The following PDILT variants were observed in gnomAD, a reference collection of about 807,000 sequenced individuals.
PDILT encodes protein disulfide-isomerase-like protein of the testis.
PDILT carries 43 observed loss-of-function variants against 53.7 expected under a neutral mutation model. The observed-to-expected ratio is 0.80, with a 90% CI of 0.63 to 1.03. The LOEUF (loss-of-function observed/expected upper bound fraction) is 1.03. PDILT is among the 50% of genes least tolerant of loss of function. The pLI is 0.00. For synonymous variants in PDILT, 282 were observed against 274.2 expected (o/e 1.03, Z -0.28); for missense variants, 727 against 712.3 (o/e 1.02, Z -0.24).
Position 20,372,825 on chromosome 16 carries a change from C to A in PDILT, c.895G>T (p.Ala299Ser). Residue 299 changes from alanine (A) to serine (S), a missense_variant, in exon 7 of 12, where the codon GCA (alanine) becomes TCA (serine). Coordinates refer to ENST00000302451, the MANE Select transcript of PDILT (RefSeq NM_174924.2). Reference sequence around the variant, plus strand: ...ACCTTGTTTTGGAATTCCTTTGATGCCAGCTTATAATGCTGAATTATGATA... The same window carrying A: ...ACCTTGTTTTGGAATTCCTTTGATGACAGCTTATAATGCTGAATTATGATA... ...YGIIIQHYKL[A>S]SKEFQNKILF... 3 of 1,614,002 alleles carry A rather than the reference C, an allele frequency of 1.9e-6. No homozygotes were observed. The highest frequency in any genetic ancestry group is 2.5e-6 in the Non-Finnish European group (3 of 1,179,926).
chr16:20,360,760 G>A (rs1966088901), intron 10 of PDILT, 103 bp from the exon 11 acceptor site: 16 of 816,574 alleles, frequency 2.0e-5, no homozygotes, highest in East Asian at 9.8e-5. Flanking sequence ...TAACAACCCC[G>A]GGTATGTTAT....
rs554552965 is a variant in PDILT at position 20,362,233 on chromosome 16, T to C, written c.1416+171A>G. ...ATGATAGTGAGTCTCAGGACTTTGG[T>C]GCAAACTACTGGAAAATAATCTTTG... On this transcript the variant is annotated intron_variant, in intron 10 of 11. Transcript: ENST00000302451. Among the ~76,000 whole-genome samples, 102 of 152,286 alleles carry C rather than the reference T, an allele frequency of 6.7e-4. 1 individual carries two copies. Among genetic ancestry groups the C allele is most frequent in the African/African-American group, 2.4e-3 (98 of 41,570 alleles).
intron 10 of PDILT, 48 bp downstream of exon 10, chr16:20,362,353 GATA>G: frequency 6.3e-7 from 1 of 1,587,032 alleles, no homozygotes; most frequent in Non-Finnish European, 8.6e-7. Context: ...CTGAGTCCCT[GATA>G]ATAACATAAC....
chr16:20,383,213 T>G (rs1966485213), intron 3 of PDILT, among the ~76,000 whole-genome samples: 2 of 152,002 alleles, frequency 1.3e-5, no homozygotes, highest in Admixed American at 6.5e-5. Flanking sequence ...CTAAGTGGAG[T>G]CAGTTCTCTC....
chr16:20,383,447 C>T (rs372827363), intron 3 of PDILT, among the ~76,000 whole-genome samples: 1 of 151,372 alleles, frequency 6.6e-6, no homozygotes, highest in Non-Finnish European at 1.5e-5. Context: ...CCCGCCCTCC[C>T]TCCCCATCTC....
chr16:20,399,093 ACT>A lies in PDILT; in HGVS notation c.202+4_202+5del. The A allele has an allele frequency of 1.9e-6, 3 of 1,614,122 alleles. No homozygotes were observed. Among genetic ancestry groups the A allele is most frequent in the Non-Finnish European group, 2.5e-6 (3 of 1,179,964 alleles). ...ATCATCCATCACCCAGGATGGGGGC[ACT>A]CACGGAAAAGCACCATGAGGAAGCG... On this transcript the variant is annotated splice_donor_5th_base_variant and intron_variant, in intron 2 of 11. Transcript: ENST00000302451.
In PDILT at chr16:20,362,466, T is replaced by A. The variant is rs779958356; in HGVS notation, c.1354A>T (p.Ile452Phe). ...TACCGGTCCAGGTACATCAGCTGAA[T>A]GTCATTTGCTGTGACATCGATCTTG... ...IAKIDVTAND[I>F]QLMYLDRYPF... Residue 452 changes from isoleucine to phenylalanine, a missense_variant, in exon 10 of 12, where the codon ATT (isoleucine) becomes TTT (phenylalanine). Transcript: ENST00000302451. 1 of 1,614,232 alleles carries A rather than the reference T, an allele frequency of 6.2e-7. No homozygotes were observed. Among genetic ancestry groups the A allele is most frequent in the East Asian group, 2.2e-5 (1 of 44,890 alleles).
intron 4 of PDILT, 58 bp downstream of exon 4, chr16:20,376,010 C>T (rs1966380392): frequency 6.2e-7 from 1 of 1,602,104 alleles, no homozygotes; most frequent in Non-Finnish European, 8.5e-7. Flanking sequence ...ACCACCCCCT[C>T]CCAGACACAG....
At chr16:20,390,185 T>C (rs1966591266) in intron 2 of PDILT, among the ~76,000 whole-genome samples, 1 of 152,112 alleles carries the variant, frequency 6.6e-6, no homozygotes, top group African/African-American at 2.4e-5. Flanking sequence ...TTCAGGATTG[T>C]CATCAATCTC....
Position 20,366,969 on chromosome 16 carries a change from TTCCTTCCTTCCTTC to T in PDILT, c.1117-1443_1117-1430del, listed in dbSNP as rs1567320303. On this transcript the variant is annotated intron_variant, in intron 8 of 11. Coordinates refer to ENST00000302451, the MANE Select transcript of PDILT (RefSeq NM_174924.2). ...CTTCCTTCCTTCCTTCCTTCCTTCC[TTCCTTCCTTCCTTC>T]CTTCCTTTCTTTCTTTCTTTATTTA... Among the ~76,000 whole-genome samples, 319 of 145,070 alleles carry T rather than the reference TTCCTTCCTTCCTTC, an allele frequency of 2.2e-3. 16 individuals carry two copies. The highest frequency in any genetic ancestry group is 6.3e-3 in the African/African-American group (240 of 37,904).
At chr16:20,371,232 G>T (rs1004428812) in intron 7 of PDILT, among the ~76,000 whole-genome samples, 7 of 152,148 alleles carry the variant, frequency 4.6e-5, no homozygotes, top group African/African-American at 1.7e-4. Context: ...CTTGGGTTTA[G>T]TCTGAATATA....
intron 2 of PDILT, chr16:20,388,865 T>G (rs1966572072): frequency 6.6e-6 from 1 of 151,974 alleles, no homozygotes; most frequent in Non-Finnish European, 1.5e-5. Context: ...TGAGCCAAGA[T>G]TGCACCATTG....
At chr16:20,388,806 G>A (rs1404690157) in intron 2 of PDILT, 1 of 152,268 alleles carries the variant, frequency 6.6e-6, no homozygotes, top group African/African-American at 2.4e-5. Context: ...CAGCTACTTG[G>A]GAGGCTGAGG....
At chr16:20,372,578 C>A (rs1966322322) in intron 7 of PDILT, among the ~76,000 whole-genome samples, 1 of 150,436 alleles carries the variant, frequency 6.6e-6, no homozygotes, top group Admixed American at 6.6e-5. Flanking sequence ...GTAGATTTGG[C>A]ATGGAAGAGA....
chr16:20,359,349 C>T lies in PDILT; in HGVS notation c.1725G>A (p.Lys575=), dbSNP rs1360179552. 1 of 1,613,984 alleles carries T rather than the reference C, an allele frequency of 6.2e-7. No individual in the cohort carries two copies. The highest frequency in any genetic ancestry group is 1.3e-5 in the African/African-American group (1 of 74,912). The change falls in exon 12 of 12, where the codon AAG becomes AAA. Residue 575 remains lysine, a synonymous_variant. Transcript: ENST00000302451. ...VAKPKGPPVQ[K]KKPKVKEEL ...GTTCTTCCTTGACTTTTGGTTTCTT[C>T]TTTTGCACTGGAGGTCCCTTTGGCT...
chr16:20,375,810 C>A (rs575341776), intron 4 of PDILT, among the ~76,000 whole-genome samples: 2 of 149,364 alleles, frequency 1.3e-5, no homozygotes, highest in South Asian at 4.2e-4. Context: ...ACTAAGACAT[C>A]CTTTTATTAA....
chr16:20,403,438 C>T (rs555639847), intron 1 of PDILT, among the ~76,000 whole-genome samples: 38 of 152,148 alleles, frequency 2.5e-4, no homozygotes, highest in Admixed American at 1.9e-3. Context: ...TACAGGCACC[C>T]GCCACCATGC....
At chr16:20,400,460 G>A (rs796387406) in intron 1 of PDILT, among the ~76,000 whole-genome samples, 9 of 138,964 alleles carry the variant, frequency 6.5e-5, no homozygotes, top group African/African-American at 2.1e-4. Flanking sequence ...TTTTAACCCT[G>A]GATACACATG....
At position 20,400,072 on chromosome 16, in the gene PDILT, A is replaced by ATATATTTT. The variant is rs753235349; in HGVS notation, c.-7-766_-7-765insAAAATATA. Reference sequence around the variant, plus strand: ...TATCTATCTATATATATATATATATATTTTTTGAGACGGAGTTTTGCTCTT... The same window carrying ATATATTTT: ...TATCTATCTATATATATATATATATATATATTTTTTTTTTGAGACGGAGTTTTGCTCTT... On this transcript the variant is annotated intron_variant, in intron 1 of 11. Transcript: ENST00000302451. Among the ~76,000 whole-genome samples, 82 of 137,438 alleles carry ATATATTTT rather than the reference A, an allele frequency of 6.0e-4. No homozygotes were observed. In the East Asian group the frequency reaches 6.8e-3, roughly 11 times the overall value. 90.2% of individuals were successfully genotyped at this position (137,438 alleles called of 152,430 possible).
Sources: gnomAD v4.1 joint callset for allele counts (sites outside exome capture counted in the v4.1 genomes callset) on GRCh38, gnomAD v4.1.1 for gene constraint, MANE v1.5 for transcripts, NCBI Gene and HGNC (gene_info 2026-07-23, HGNC 2026-07-21) for gene names.